Variants in KCNAB1 observed in about 807,000 individuals in gnomAD.
The protein encoded by KCNAB1 is voltage-gated potassium channel subunit beta-1.
In KCNAB1, 35 loss-of-function variants were observed where a neutral mutation model predicts 64.6. The ratio of observed to expected loss-of-function variants is 0.54; its 90% CI spans 0.41 to 0.72. The LOEUF (loss-of-function observed/expected upper bound fraction) is 0.72. KCNAB1 is among the 30% of genes least tolerant of loss of function. The pLI, the probability that KCNAB1 is intolerant of heterozygous loss-of-function variation, is 0.00. For missense variants in KCNAB1, 401 were observed against 512.9 expected (o/e 0.78, Z 2.11); for synonymous variants, 177 against 183.8 (o/e 0.96, Z 0.30).
At chr3:156,329,655 A>G (rs3772233) in intron 1 of KCNAB1, among the ~76,000 whole-genome samples, 50,848 of 151,948 alleles carry the variant, frequency 0.33, 9,949 homozygotes, top group African/African-American at 0.55. Context: ...AAGTAATGTG[A>G]GAATTTGGCT....
intron 8 of KCNAB1, among the ~76,000 whole-genome samples, chr3:156,490,766 G>C (rs1469502592): frequency 6.6e-6 from 1 of 152,076 alleles, no homozygotes; most frequent in Non-Finnish European, 1.5e-5. Flanking sequence ...AGATAAAATG[G>C]AGGAGGGGGA....
intron 1 of KCNAB1, among the ~76,000 whole-genome samples, chr3:156,248,974 AC>A (rs1717637496): frequency 6.6e-6 from 1 of 151,382 alleles, no homozygotes; most frequent in Non-Finnish European, 1.5e-5. Flanking sequence ...AATGCAGATT[AC>A]TGGGCACTAA....
At chr3:156,223,211 G>T (rs59260261) in intron 1 of KCNAB1, among the ~76,000 whole-genome samples, 17,117 of 152,162 alleles carry the variant, frequency 0.11, 1,198 homozygotes, top group Non-Finnish European at 0.16. Flanking sequence ...GAGTGTTACA[G>T]CTCATAAAGG....
At chr3:156,436,694 G>A (rs904646080) in intron 2 of KCNAB1, among the ~76,000 whole-genome samples, 4 of 152,162 alleles carry the variant, frequency 2.6e-5, no homozygotes, top group African/African-American at 9.7e-5. Context: ...TCATATGTTT[G>A]TAGGCTGCAT....
chr3:156,419,819 T>C (rs1006671904), intron 1 of KCNAB1, among the ~76,000 whole-genome samples: 3 of 152,204 alleles, frequency 2.0e-5, no homozygotes, highest in Non-Finnish European at 2.9e-5. Context: ...GACCATGCCT[T>C]GTTCTTCTCT....
chr3:156,151,919 A>G (rs1286756225), intron 1 of KCNAB1, among the ~76,000 whole-genome samples: 7 of 152,318 alleles, frequency 4.6e-5, no homozygotes, highest in Non-Finnish European at 1.0e-4. Flanking sequence ...AATCTGGAAC[A>G]GTTCAGGAGA....
chr3:156,384,842 T>C (rs1394605753), intron 1 of KCNAB1, among the ~76,000 whole-genome samples: 1 of 152,150 alleles, frequency 6.6e-6, no homozygotes, highest in African/African-American at 2.4e-5. Flanking sequence ...TTTGTTCTTC[T>C]GGCAGGAGAA....
chr3:156,128,516 A>G (rs541764111), intron 1 of KCNAB1, among the ~76,000 whole-genome samples: 1 of 152,340 alleles, frequency 6.6e-6, no homozygotes, highest in East Asian at 1.9e-4. Flanking sequence ...ACAAATACCT[A>G]CAATTTGTAG....
chr3:156,160,543 T>C (rs1716016936), intron 1 of KCNAB1, among the ~76,000 whole-genome samples: 1 of 152,036 alleles, frequency 6.6e-6, no homozygotes, highest in African/African-American at 2.4e-5. Flanking sequence ...AAGAGATCAG[T>C]GGAGGTCTTA....
At chr3:156,497,358 T>G (rs1236792413) in intron 8 of KCNAB1, among the ~76,000 whole-genome samples, 1 of 152,222 alleles carries the variant, frequency 6.6e-6, no homozygotes, top group East Asian at 1.9e-4. Flanking sequence ...TGTTATAGCA[T>G]GAAACTGGAT....
chr3:156,225,852 A>G (rs770953790), intron 1 of KCNAB1, among the ~76,000 whole-genome samples: 23 of 152,164 alleles, frequency 1.5e-4, no homozygotes, highest in African/African-American at 4.6e-4. Context: ...AATAAAATAC[A>G]TAGGAATATA....
chr3:156,311,067 C>T (rs942032338), intron 1 of KCNAB1, among the ~76,000 whole-genome samples: 3 of 152,312 alleles, frequency 2.0e-5, no homozygotes, highest in Non-Finnish European at 4.4e-5. Flanking sequence ...GAAGACCCCC[C>T]ACCCTTCTTC....
intron 1 of KCNAB1, among the ~76,000 whole-genome samples, chr3:156,131,756 A>T (rs1714009068): frequency 6.6e-6 from 1 of 152,186 alleles, no homozygotes; most frequent in Non-Finnish European, 1.5e-5. Flanking sequence ...AAAAAGAGAA[A>T]GTTTGTTTCT....
At chr3:156,207,153 A>C (rs1283541704) in intron 1 of KCNAB1, among the ~76,000 whole-genome samples, 1 of 152,224 alleles carries the variant, frequency 6.6e-6, no homozygotes, top group Non-Finnish European at 1.5e-5. Context: ...TGCATGGCCT[A>C]CATCAATAAG....
intron 1 of KCNAB1, among the ~76,000 whole-genome samples, chr3:156,364,199 G>A (rs916250541): frequency 1.3e-5 from 2 of 152,168 alleles, no homozygotes; most frequent in East Asian, 3.9e-4. Flanking sequence ...AGACTGAATT[G>A]TAGAATTAAG....
At chr3:156,126,102 A>G (rs1713639439) in intron 1 of KCNAB1, among the ~76,000 whole-genome samples, 1 of 152,130 alleles carries the variant, frequency 6.6e-6, no homozygotes, top group Non-Finnish European at 1.5e-5. Flanking sequence ...AAGGCAATCC[A>G]TGTGTAGGGA....
intron 1 of KCNAB1, among the ~76,000 whole-genome samples, chr3:156,351,484 A>C (rs1724855069): frequency 6.6e-6 from 1 of 152,190 alleles, no homozygotes; most frequent in South Asian, 2.1e-4. Context: ...TTTAGTGCTT[A>C]CTATCCAGTT....
At chr3:156,347,819 G>A (rs1370403330) in intron 1 of KCNAB1, among the ~76,000 whole-genome samples, 1 of 152,162 alleles carries the variant, frequency 6.6e-6, no homozygotes, top group Non-Finnish European at 1.5e-5. Context: ...TGGTACTTCT[G>A]TGAGTTTCCT....
At chr3:156,220,179 C>T (rs931044752) in intron 1 of KCNAB1, among the ~76,000 whole-genome samples, 7 of 152,088 alleles carry the variant, frequency 4.6e-5, no homozygotes, top group Admixed American at 2.0e-4. Context: ...AATAAATATA[C>T]GTGTGCATGT....
Sources: gnomAD v4.1 joint callset for allele counts (sites outside exome capture counted in the v4.1 genomes callset) on GRCh38, gnomAD v4.1.1 for gene constraint, MANE v1.5 for transcripts, NCBI Gene and HGNC (gene_info 2026-07-23, HGNC 2026-07-21) for gene names.